SCARB1: variants seen among roughly 807,000 people sequenced by gnomAD.
The protein encoded by SCARB1 is CD36 and LIMPII analogous 1.
Under a neutral mutation model 57.2 loss-of-function variants are expected in SCARB1, and 30 were observed. The observed-to-expected ratio is 0.52, with a 90% CI of 0.39 to 0.71. The LOEUF is 0.71. Among genes scored for constraint, SCARB1 ranks in the 30% least tolerant of loss-of-function variants. The pLI is 0.00. For missense variants in SCARB1, 543 were observed against 671.2 expected (o/e 0.81, Z 2.11); for synonymous variants, 249 against 268.3 (o/e 0.93, Z 0.70).
rs575909698 is a variant in SCARB1 at position 124,780,091 on chromosome 12, G to A, written c.*1-1505C>T. 3.4e-4 allele frequency among the ~76,000 whole-genome samples: 52 copies of A among 152,360 alleles called. No individual in the cohort carries two copies. In the Middle Eastern group the frequency reaches 0.01, roughly 30 times the overall value. ...ACAAAACCCGCAGGTGCCAGAGGGTGAAGCAGGTTCCTCCTCCTTCCCCTC... is the reference window on the plus strand; with the variant it reads ...ACAAAACCCGCAGGTGCCAGAGGGTAAAGCAGGTTCCTCCTCCTTCCCCTC... On this transcript the variant is annotated intron_variant, in intron 12 of 12. Transcript: ENST00000261693.
At chr12:124,851,627 T>TTTTTG (rs1952405266) in intron 1 of SCARB1, among the ~76,000 whole-genome samples, 1 of 148,392 alleles carries the variant, frequency 6.7e-6, no homozygotes, top group African/African-American at 2.6e-5. Context: ...TTTTTTTTTT[T>TTTTTG]GAGATGGAGT....
At chr12:124,780,682 C>T (rs935650399) in intron 12 of SCARB1, among the ~76,000 whole-genome samples, 4 of 152,220 alleles carry the variant, frequency 2.6e-5, no homozygotes, top group African/African-American at 9.6e-5. Flanking sequence ...ACACTTGTCT[C>T]ATCACCTAAA....
chr12:124,849,064 T>C (rs1952284600), intron 1 of SCARB1, among the ~76,000 whole-genome samples: 1 of 152,104 alleles, frequency 6.6e-6, no homozygotes, highest in Admixed American at 6.6e-5. Context: ...TACAGAAAAG[T>C]AAAAAAGGCA....
At chr12:124,824,088 C>T (rs1951044605) in intron 1 of SCARB1, among the ~76,000 whole-genome samples, 2 of 150,862 alleles carry the variant, frequency 1.3e-5, no homozygotes, top group African/African-American at 4.9e-5. Flanking sequence ...GCAGGAGAAT[C>T]GCTTGAACCC....
chr12:124,836,441 TTTTA>T (rs1304272376), intron 1 of SCARB1, among the ~76,000 whole-genome samples: 3 of 152,074 alleles, frequency 2.0e-5, no homozygotes, highest in African/African-American at 7.2e-5. Context: ...TGGAGGCAAG[TTTTA>T]TGTTGTTTCC....
At chr12:124,819,208 A>G (rs1237677722) in intron 1 of SCARB1, among the ~76,000 whole-genome samples, 1 of 152,124 alleles carries the variant, frequency 6.6e-6, no homozygotes, top group East Asian at 1.9e-4. Flanking sequence ...AACAGAAGGC[A>G]GTGAGGAAGG....
chr12:124,862,749 C>T lies in SCARB1; in HGVS notation c.126+846G>A, dbSNP rs574819353. On this transcript the variant is annotated intron_variant, in intron 1 of 12. Coordinates refer to ENST00000261693, the MANE Select transcript of SCARB1 (RefSeq NM_005505.5). ...GTTCAAATGTGATACTCTGCAATCT[C>T]CCAGCCCTTCCCTAACTCCAGGCTC... is the stretch of plus-strand genomic sequence containing the variant. 8.2e-5 allele frequency among the ~76,000 whole-genome samples: 11 copies of T among 134,070 alleles called. No homozygotes were observed. The South Asian group carries it at 2.2e-3, about 27-fold the overall frequency. The allele number at this position is 134,070 out of a possible 152,430, so 88.0% of individuals were successfully genotyped here. A position where few individuals can be genotyped will look rare whatever the true frequency, so the allele number is the denominator to read the frequency against.
chr12:124,856,304 T>C (rs572293152), intron 1 of SCARB1, among the ~76,000 whole-genome samples: 1 of 152,340 alleles, frequency 6.6e-6, no homozygotes, highest in East Asian at 1.9e-4. Context: ...TGCATACACA[T>C]CATCACGTCG....
At chr12:124,781,613 C>T (rs554605388) in intron 12 of SCARB1, among the ~76,000 whole-genome samples, 1 of 152,220 alleles carries the variant, frequency 6.6e-6, no homozygotes, top group East Asian at 1.9e-4. Flanking sequence ...AGGGCGGCCA[C>T]ATAAAATCAG....
intron 1 of SCARB1, among the ~76,000 whole-genome samples, chr12:124,844,758 G>A (rs1485009941): frequency 1.3e-5 from 2 of 152,082 alleles, no homozygotes; most frequent in African/African-American, 2.4e-5. Flanking sequence ...AGAACTGTAC[G>A]GGAATACATG....
intron 1 of SCARB1, among the ~76,000 whole-genome samples, chr12:124,853,452 T>C (rs1952508773): frequency 6.9e-6 from 1 of 144,762 alleles, no homozygotes; most frequent in Admixed American, 7.3e-5. Context: ...TGGAGTGCAA[T>C]GGTGCAATCT....
At chr12:124,785,964 C>T in intron 11 of SCARB1, 4 of 1,150,274 alleles carry the variant, frequency 3.5e-6, no homozygotes, top group Non-Finnish European at 4.8e-6. Flanking sequence ...GGATGCCAGC[C>T]CCCCTCAATC....
In SCARB1 at chr12:124,812,961, A is replaced by C. The variant is rs1196650112; in HGVS notation, c.631-996T>G. Among the ~76,000 whole-genome samples, 1 of 152,172 alleles carries C rather than the reference A, an allele frequency of 6.6e-6. No individual in the cohort carries two copies. Among genetic ancestry groups the C allele is most frequent in the Non-Finnish European group, 1.5e-5 (1 of 68,034 alleles). On this transcript the variant is annotated intron_variant, in intron 4 of 12. Transcript: ENST00000261693. The surrounding 1 kb of genome is among the most constrained non-coding windows in gnomAD (Gnocchi z 4.3). ...CAAAATGATAGTCTTTATTTTCATT[A>C]TTATTGTTATTATTAATAAATGCTC...
At chr12:124,782,887 CA>C (rs1163645470) in intron 11 of SCARB1, 76 bp from the exon 12 acceptor site, 4 of 1,490,948 alleles carry the variant, frequency 2.7e-6, no homozygotes, top group East Asian at 2.3e-5. Flanking sequence ...CTTCAATTTG[CA>C]AAAGGCAAAG....
At chr12:124,804,996 G>A (rs370969033) in intron 7 of SCARB1, among the ~76,000 whole-genome samples, 4 of 152,330 alleles carry the variant, frequency 2.6e-5, no homozygotes, top group East Asian at 3.9e-4. Context: ...AGTTCTAGAA[G>A]CTAAGAATAA....
At chr12:124,820,869 AC>A (rs1297415940) in intron 1 of SCARB1, among the ~76,000 whole-genome samples, 3 of 152,226 alleles carry the variant, frequency 2.0e-5, no homozygotes, top group Non-Finnish European at 2.9e-5. Flanking sequence ...GTGTGCACAC[AC>A]CAGCCCATCA....
intron 1 of SCARB1, among the ~76,000 whole-genome samples, chr12:124,832,260 G>C (rs1951427012): frequency 6.6e-6 from 1 of 152,220 alleles, no homozygotes; most frequent in Non-Finnish European, 1.5e-5. Context: ...GCTCACACCT[G>C]TGGAATCCTA....
At chr12:124,847,410 C>T (rs1952208935) in intron 1 of SCARB1, among the ~76,000 whole-genome samples, 1 of 152,216 alleles carries the variant, frequency 6.6e-6, no homozygotes, top group Non-Finnish European at 1.5e-5. Context: ...AGAATTTCCA[C>T]AAGGCTCTGA....
At chr12:124,858,826 C>A (rs1952755215) in intron 1 of SCARB1, among the ~76,000 whole-genome samples, 1 of 151,736 alleles carries the variant, frequency 6.6e-6, no homozygotes, top group Non-Finnish European at 1.5e-5. Context: ...TTGCAGTGAG[C>A]CGAGATCGCA....
Sources: allele counts gnomAD v4.1 joint callset (sites outside exome capture counted in the v4.1 genomes callset), GRCh38; gene constraint gnomAD v4.1.1; non-coding constraint Gnocchi (gnomAD v3.1); transcripts MANE v1.5; gene names NCBI Gene and HGNC (gene_info 2026-07-23, HGNC 2026-07-21).